The following KCTD8 variants were observed in gnomAD, a reference collection of about 807,000 sequenced individuals.
The protein encoded by KCTD8 is potassium channel tetramerization domain containing 8, also known as BTB/POZ domain-containing protein KCTD8.
A neutral mutation model predicts 31.5 loss-of-function variants in KCTD8; 27 were observed. The observed-to-expected ratio is 0.86, with a 90% CI of 0.63 to 1.18. The LOEUF (loss-of-function observed/expected upper bound fraction) is 1.18, where lower values mean the gene tolerates loss of function less well. Among genes scored for constraint, KCTD8 ranks in the 50% most tolerant of loss-of-function variants. The pLI is 0.00. For synonymous variants in KCTD8, 290 were observed against 280.0 expected (o/e 1.04, Z -0.36); for missense variants, 658 against 647.7 (o/e 1.02, Z -0.17).
At chr4:44,224,460 C>T (rs1277171164) in intron 1 of KCTD8, among the ~76,000 whole-genome samples, 1 of 152,148 alleles carries the variant, frequency 6.6e-6, no homozygotes, top group Non-Finnish European at 1.5e-5. Context: ...TCCATCTTTG[C>T]AGTTTCAGTG....
At chr4:44,355,256 A>G (rs1293620374) in intron 1 of KCTD8, among the ~76,000 whole-genome samples, 1 of 152,198 alleles carries the variant, frequency 6.6e-6, no homozygotes, top group African/African-American at 2.4e-5. Flanking sequence ...AACAGAGAAC[A>G]CCAATGTATA....
chr4:44,229,353 C>T (rs560629130), intron 1 of KCTD8, among the ~76,000 whole-genome samples: 1 of 152,112 alleles, frequency 6.6e-6, no homozygotes, highest in Non-Finnish European at 1.5e-5. Context: ...AATGCAGATG[C>T]CAGGGAGAAG....
intron 1 of KCTD8, among the ~76,000 whole-genome samples, chr4:44,361,746 G>C (rs1253068509): frequency 6.6e-6 from 1 of 151,984 alleles, no homozygotes; most frequent in Non-Finnish European, 1.5e-5. Flanking sequence ...GAAATAATAG[G>C]ATAATTATGA....
intron 1 of KCTD8, among the ~76,000 whole-genome samples, chr4:44,319,706 T>G (rs963956195): frequency 6.6e-5 from 10 of 152,104 alleles, no homozygotes; most frequent in African/African-American, 2.4e-4. Context: ...GAATTTGGAA[T>G]GCCAAAAAGT....
chr4:44,184,193 A>T (rs1166566527), intron 1 of KCTD8, among the ~76,000 whole-genome samples: 11 of 152,170 alleles, frequency 7.2e-5, no homozygotes, highest in Non-Finnish European at 1.5e-4. Flanking sequence ...GAGTAAAATA[A>T]AAAGAGGCTG....
chr4:44,208,000 T>C (rs925736090), intron 1 of KCTD8, among the ~76,000 whole-genome samples: 1 of 152,140 alleles, frequency 6.6e-6, no homozygotes, highest in Non-Finnish European at 1.5e-5. Flanking sequence ...TTGACCTATT[T>C]GGTGACATCA....
chr4:44,251,693 C>T (rs1300473055), intron 1 of KCTD8, among the ~76,000 whole-genome samples: 2 of 150,860 alleles, frequency 1.3e-5, no homozygotes, highest in African/African-American at 4.9e-5. Context: ...AATAGAATGT[C>T]TCTAACATTT....
At chr4:44,334,604 A>T (rs758887940) in intron 1 of KCTD8, among the ~76,000 whole-genome samples, 18 of 152,166 alleles carry the variant, frequency 1.2e-4, no homozygotes, top group Non-Finnish European at 2.5e-4. Context: ...ATATGCTGTC[A>T]TAATGTGCAG....
intron 1 of KCTD8, among the ~76,000 whole-genome samples, chr4:44,309,462 G>A (rs1244832257): frequency 1.3e-5 from 2 of 152,040 alleles, no homozygotes; most frequent in African/African-American, 2.4e-5. Flanking sequence ...AGACTCTTTG[G>A]AAGATATATC....
intron 1 of KCTD8, among the ~76,000 whole-genome samples, chr4:44,328,886 G>A (rs1718521457): frequency 6.6e-6 from 1 of 151,938 alleles, no homozygotes; most frequent in South Asian, 2.1e-4. Context: ...AAGGACAGGA[G>A]TACAAGGGGA....
intron 1 of KCTD8, among the ~76,000 whole-genome samples, chr4:44,403,726 A>C (rs868314206): frequency 7.9e-5 from 12 of 152,160 alleles, no homozygotes; most frequent in Admixed American, 2.6e-4. Context: ...TCCCATCTCC[A>C]AACAGTCATA....
At chr4:44,181,290 T>G (rs1371626635) in intron 1 of KCTD8, among the ~76,000 whole-genome samples, 5 of 151,648 alleles carry the variant, frequency 3.3e-5, no homozygotes, top group Admixed American at 3.3e-4. Context: ...CTCCCTCTGA[T>G]GCCGAGCCGA....
chr4:44,291,022 G>C (rs1286016720), intron 1 of KCTD8, among the ~76,000 whole-genome samples: 4 of 152,044 alleles, frequency 2.6e-5, no homozygotes, highest in African/African-American at 9.7e-5. Flanking sequence ...ATGAAACCTA[G>C]AGTTGGTTTT....
At chr4:44,235,577 T>TATATATATTTA (rs1715265203) in intron 1 of KCTD8, among the ~76,000 whole-genome samples, 1 of 38,920 alleles carries the variant, frequency 2.6e-5, no homozygotes, top group Non-Finnish European at 5.0e-5. Flanking sequence ...ATATATATAT[T>TATATATATTTA]TAGAGAGAGA....
At chr4:44,435,377 T>C (rs1043815009) in intron 1 of KCTD8, among the ~76,000 whole-genome samples, 1 of 152,094 alleles carries the variant, frequency 6.6e-6, no homozygotes, top group Non-Finnish European at 1.5e-5. Context: ...ATGCTCTTTA[T>C]CACAACTACA....
intron 1 of KCTD8, among the ~76,000 whole-genome samples, chr4:44,235,560 T>TAC (rs1560402078): frequency 1.6e-5 from 1 of 64,422 alleles, no homozygotes; most frequent in African/African-American, 9.2e-5. Flanking sequence ...TATATATATA[T>TAC]ATATATATAT....
chr4:44,185,665 T>C (rs4695701), intron 1 of KCTD8, among the ~76,000 whole-genome samples: 78,230 of 151,968 alleles, frequency 0.51, 20,980 homozygotes, highest in African/African-American at 0.67. Context: ...TTTTAGCTAT[T>C]CTTCAAAGCC....
chr4:44,262,396 A>G (rs917302752), intron 1 of KCTD8, among the ~76,000 whole-genome samples: 4 of 152,130 alleles, frequency 2.6e-5, no homozygotes, highest in Non-Finnish European at 5.9e-5. Context: ...AATTGTTGAC[A>G]AAGAAAAATG....
chr4:44,296,548 C>T (rs915525244), intron 1 of KCTD8, among the ~76,000 whole-genome samples: 4 of 151,918 alleles, frequency 2.6e-5, no homozygotes, highest in African/African-American at 7.2e-5. Flanking sequence ...CATATCTGTT[C>T]TGTTATTTTT....
Sources: allele counts gnomAD v4.1 joint callset (sites outside exome capture counted in the v4.1 genomes callset), GRCh38; gene constraint gnomAD v4.1.1; transcripts MANE v1.5; gene names NCBI Gene and HGNC (gene_info 2026-07-23, HGNC 2026-07-21).